ADAM22: variants seen among roughly 807,000 people sequenced by gnomAD.
ADAM22 encodes ADAM metallopeptidase domain 22, also known as disintegrin and metalloproteinase domain-containing protein 22.
A neutral mutation model predicts 144.6 loss-of-function variants in ADAM22; 65 were observed. That is an observed-to-expected ratio of 0.45 (90% CI 0.37 to 0.55). ADAM22 has a LOEUF of 0.55. ADAM22 is among the 20% of genes least tolerant of loss of function. The pLI, the probability that ADAM22 is intolerant of heterozygous loss-of-function variation, is 0.00. For missense variants in ADAM22, 974 were observed against 1,184.9 expected (o/e 0.82, Z 2.61); for synonymous variants, 391 against 412.6 (o/e 0.95, Z 0.63).
chr7:87,973,637 A>T (rs1011962333), intron 2 of ADAM22, among the ~76,000 whole-genome samples: 4 of 152,224 alleles, frequency 2.6e-5, no homozygotes, highest in Non-Finnish European at 4.4e-5. Flanking sequence ...ACACATGCAC[A>T]CGTATGTTTA....
intron 4 of ADAM22, among the ~76,000 whole-genome samples, chr7:88,086,835 A>G (rs1466431460): frequency 6.6e-6 from 1 of 152,220 alleles, no homozygotes; most frequent in Admixed American, 6.5e-5. Flanking sequence ...TGAAACAGAA[A>G]GCTGCTAATA....
chr7:88,132,749 G>A (rs1260733659), intron 11 of ADAM22, 118 bp from the exon 12 acceptor site: 4 of 753,022 alleles, frequency 5.3e-6, no homozygotes, highest in Non-Finnish European at 2.1e-6. Context: ...CTTGCAATGT[G>A]AATATATTGT....
chr7:88,197,182 A>G lies in ADAM22; in HGVS notation c.*691A>G, dbSNP rs993340095. The G allele has an allele frequency of 2.6e-5, 4 of 152,362 alleles. No homozygotes were observed. Among genetic ancestry groups the G allele is most frequent in the African/African-American group, 9.6e-5 (4 of 41,464 alleles). 9.4% of individuals were successfully genotyped at this position (152,362 alleles called of 1,614,324 possible). On this transcript the variant is annotated 3_prime_UTR_variant, in exon 32 of 32. Transcript: ENST00000413139. Reference sequence around the variant, plus strand: ...AGTGTATTTTGCCAAATGCCTAAAAATTCCGTCACAATCACATCATCGTCA... The same window carrying G: ...AGTGTATTTTGCCAAATGCCTAAAAGTTCCGTCACAATCACATCATCGTCA...
At chr7:88,116,718 T>A (rs1827847641) in intron 6 of ADAM22, 27 bp from the exon 7 acceptor site, 31 of 1,587,558 alleles carry the variant, frequency 2.0e-5, no homozygotes, top group Non-Finnish European at 2.2e-5. Flanking sequence ...TGTACATGCT[T>A]AATCACTGTT....
chr7:88,171,431 G>C (rs1335636676), intron 25 of ADAM22, 113 bp from the exon 26 acceptor site: 1 of 924,940 alleles, frequency 1.1e-6, no homozygotes, highest in Non-Finnish European at 1.6e-6. Flanking sequence ...ATCCTCTAGT[G>C]AAGACTTTTC....
intron 1 of ADAM22, 116 bp from the exon 2 acceptor site, chr7:87,934,910 G>A (rs1440702817): frequency 2.8e-6 from 4 of 1,432,556 alleles, no homozygotes; most frequent in South Asian, 2.4e-5. Context: ...GAGAGGGAGG[G>A]GGCGGTGGGG....
At chr7:88,185,052 C>T (rs1420968704) in intron 29 of ADAM22, among the ~76,000 whole-genome samples, 2 of 152,112 alleles carry the variant, frequency 1.3e-5, no homozygotes, top group Non-Finnish European at 2.9e-5. Context: ...TTCCCCAGGC[C>T]GGAGCATTCA....
rs539984714 is a variant in ADAM22 at position 88,046,850 on chromosome 7, C to A, written c.324-28776C>A. 2.0e-5 allele frequency among the ~76,000 whole-genome samples: 3 copies of A among 151,992 alleles called. No individual in the cohort carries two copies. In the South Asian group the frequency reaches 6.2e-4, roughly 32 times the overall value. On this transcript the variant is annotated intron_variant, in intron 3 of 31. Transcript: ENST00000413139. ...TATAGGACTTTCATCTTGAATAGTT[C>A]TTTAATGTGCACTGGCCACTTTGTT...
At chr7:87,990,967 C>T (rs1789692677) in intron 3 of ADAM22, among the ~76,000 whole-genome samples, 1 of 152,106 alleles carries the variant, frequency 6.6e-6, no homozygotes, top group South Asian at 2.1e-4. Flanking sequence ...CCCAGCCTTT[C>T]TCCCTCTTTT....
At chr7:87,949,487 T>C (rs551554371) in intron 2 of ADAM22, among the ~76,000 whole-genome samples, 15 of 152,354 alleles carry the variant, frequency 9.8e-5, no homozygotes, top group African/African-American at 2.6e-4. Flanking sequence ...TTTAACCTTT[T>C]TGTGTGACTT....
In ADAM22 at chr7:88,098,875, A is replaced by C. The variant is rs1054180768; in HGVS notation, c.391-9301A>C. Among the ~76,000 whole-genome samples the C allele has an allele frequency of 3.3e-5, 5 of 152,106 alleles. No homozygotes were observed. The East Asian group carries it at 5.8e-4, about 18-fold the overall frequency. Reference sequence around the variant, plus strand: ...TATGCCTAATCCTTTTGGTTTTTAAAATGTTTTTGATTGATACTACAAGAT... The same window carrying C: ...TATGCCTAATCCTTTTGGTTTTTAACATGTTTTTGATTGATACTACAAGAT... On this transcript the variant is annotated intron_variant, in intron 4 of 31. Coordinates refer to ENST00000413139, the MANE Select transcript of ADAM22 (RefSeq NM_001324418.2).
intron 5 of ADAM22, among the ~76,000 whole-genome samples, chr7:88,109,332 C>T (rs538045623): frequency 1.3e-5 from 2 of 152,276 alleles, no homozygotes; most frequent in South Asian, 4.1e-4. Flanking sequence ...CCACTTCCTC[C>T]ATCCTGTCGA....
intron 3 of ADAM22, among the ~76,000 whole-genome samples, chr7:88,032,217 C>T (rs1250304550): frequency 6.6e-6 from 1 of 152,216 alleles, no homozygotes; most frequent in Non-Finnish European, 1.5e-5. Flanking sequence ...GCTGCAGGTA[C>T]TCAACACCAG....
intron 3 of ADAM22, among the ~76,000 whole-genome samples, chr7:87,983,830 A>G (rs1178195081): frequency 1.3e-5 from 2 of 152,180 alleles, no homozygotes; most frequent in East Asian, 3.9e-4. Flanking sequence ...ATTTTAAGTA[A>G]TAGGTATTAG....
chr7:88,142,021 T>C (rs1028295509), intron 14 of ADAM22, among the ~76,000 whole-genome samples: 4 of 152,206 alleles, frequency 2.6e-5, no homozygotes, highest in Non-Finnish European at 4.4e-5. Context: ...TGACCTTTTA[T>C]TAGTTTTTTT....
chr7:88,055,372 A>C (rs1807925638), intron 3 of ADAM22, among the ~76,000 whole-genome samples: 1 of 152,118 alleles, frequency 6.6e-6, no homozygotes, highest in Non-Finnish European at 1.5e-5. Flanking sequence ...TCTCAAAAAA[A>C]AAAATCGCTT....
chr7:88,018,591 T>A (rs951467422), intron 3 of ADAM22, among the ~76,000 whole-genome samples: 4 of 152,234 alleles, frequency 2.6e-5, no homozygotes, highest in African/African-American at 9.6e-5. Flanking sequence ...GCTTTATTCC[T>A]TATTTGCAAC....
chr7:87,968,831 G>A (rs1258357587), intron 2 of ADAM22, among the ~76,000 whole-genome samples: 2 of 152,210 alleles, frequency 1.3e-5, no homozygotes, highest in Non-Finnish European at 2.9e-5. Flanking sequence ...GTTGGCTTAT[G>A]GTTCTGCAGG....
chr7:88,024,731 A>G (rs938596446), intron 3 of ADAM22, among the ~76,000 whole-genome samples: 6 of 110,838 alleles, frequency 5.4e-5, no homozygotes, highest in Non-Finnish European at 1.0e-4. Flanking sequence ...ACCCCAGTGC[A>G]TGATGTTCCC....
Sources: allele counts gnomAD v4.1 joint callset (sites outside exome capture counted in the v4.1 genomes callset), GRCh38; gene constraint gnomAD v4.1.1; transcripts MANE v1.5; gene names NCBI Gene and HGNC (gene_info 2026-07-23, HGNC 2026-07-21).